The following NADK variants were observed in gnomAD, a reference collection of about 807,000 sequenced individuals.
NADK encodes poly(P)/ATP NAD kinase.
NADK carries 22 observed loss-of-function variants against 49.8 expected under a neutral mutation model. That is an observed-to-expected ratio of 0.44 (90% CI 0.32 to 0.63). The LOEUF (loss-of-function observed/expected upper bound fraction) is 0.63. NADK is among the 30% of genes least tolerant of loss of function. The pLI is 0.06. For missense variants in NADK, 438 were observed against 609.4 expected, an observed-to-expected ratio of 0.72 and a Z score of 2.96; for synonymous variants, 268 against 253.7, an observed-to-expected ratio of 1.06 and a Z score of -0.54.
intron 1 of NADK, among the ~76,000 whole-genome samples, chr1:1,768,924 A>C (rs1414487273): frequency 6.6e-6 from 1 of 152,194 alleles, no homozygotes; most frequent in Non-Finnish European, 1.5e-5. Flanking sequence ...AATACCCAAA[A>C]GCTGGTTCTC....
intron 3 of NADK, 123 bp downstream of exon 3, chr1:1,761,829 G>A (rs1645733859): frequency 1.2e-6 from 1 of 830,362 alleles, no homozygotes. Flanking sequence ...CCTCAACACA[G>A]CGATCCCACA....
rs2100401924 is a variant in NADK at position 1,778,024 on chromosome 1, C to T, written c.-41+265G>A. 6.6e-6 allele frequency among the ~76,000 whole-genome samples: 1 copy of T among 152,344 alleles called. No individual in the cohort carries two copies. The highest frequency in any genetic ancestry group is 6.5e-5 in the Admixed American group (1 of 15,312). On this transcript the variant is annotated intron_variant, in intron 1 of 11. Coordinates refer to ENST00000341426, the MANE Select transcript of NADK (RefSeq NM_023018.5). This position sits in a 1 kb window ranked among gnomAD's most constrained non-coding sequence, Gnocchi z 4.9. ...ACTGACAAGCGCGGTCCGGGCTGGA[C>T]GGCCCCACCTTCCCCGCCCGGGAGA... is the stretch of plus-strand genomic sequence containing the variant.
chr1:1,776,721 C>T (rs1259834850), intron 1 of NADK, among the ~76,000 whole-genome samples: 1 of 139,502 alleles, frequency 7.2e-6, no homozygotes, highest in Non-Finnish European at 1.5e-5. Context: ...TGCAGTGAGC[C>T]GAGATTGTGC....
At chr1:1,774,159 G>A (rs1044673100) in intron 1 of NADK, among the ~76,000 whole-genome samples, 8 of 151,050 alleles carry the variant, frequency 5.3e-5, no homozygotes, top group Admixed American at 2.6e-4. Flanking sequence ...GTATGTGTGT[G>A]TGTGTATATA....
Position 1,754,278 on chromosome 1 carries a change from C to G in NADK, c.943+6G>C. On this transcript the variant is annotated splice_donor_region_variant and intron_variant, in intron 9 of 11. Coordinates refer to ENST00000341426, the MANE Select transcript of NADK (RefSeq NM_023018.5). The surrounding 1 kb of genome is among the most constrained non-coding windows in gnomAD (Gnocchi z 4.3). The stretch of plus-strand genomic sequence containing the variant: ...CAGGGCCCCAGGACAGTGCTGCGGG[C>G]CTTACCGTCGCCCTGCACCGTGGTG... 1 of 1,613,626 alleles carries G rather than the reference C, an allele frequency of 6.2e-7. No individual in the cohort carries two copies. Among genetic ancestry groups the G allele is most frequent in the African/African-American group, 1.3e-5 (1 of 75,054 alleles).
intron 1 of NADK, among the ~76,000 whole-genome samples, chr1:1,768,898 GCCAACGGGTTCTCTGAATAC>G (rs1028145560): frequency 2.0e-5 from 3 of 152,202 alleles, no homozygotes; most frequent in Admixed American, 2.0e-4. Context: ...TACGGTCAAA[GCCAACGGGTTCTCTGAATAC>G]CCAAAAGCTG....
chr1:1,768,302 C>CTG (rs1185865835), intron 1 of NADK, among the ~76,000 whole-genome samples: 1 of 152,014 alleles, frequency 6.6e-6, no homozygotes, highest in Non-Finnish European at 1.5e-5. Flanking sequence ...CTTTGGGAGG[C>CTG]TGAGGTAAGA....
intron 2 of NADK, among the ~76,000 whole-genome samples, chr1:1,762,671 T>C (rs1350627752): frequency 6.6e-6 from 1 of 152,086 alleles, no homozygotes; most frequent in Non-Finnish European, 1.5e-5. Flanking sequence ...GCAAGAGAAC[T>C]GCTTGAACCC....
chr1:1,773,064 T>C (rs951484916), intron 1 of NADK, among the ~76,000 whole-genome samples: 2 of 151,228 alleles, frequency 1.3e-5, no homozygotes, highest in African/African-American at 4.9e-5. Flanking sequence ...AAAAAGATGT[T>C]AACACAGAGG....
Position 1,756,627 on chromosome 1 carries a change from C to G in NADK, c.394-19G>C, listed in dbSNP as rs1159676340. On this transcript the variant is annotated intron_variant, in intron 4 of 11. Transcript: ENST00000341426. The stretch of plus-strand genomic sequence containing the variant: ...TGTTCTCCTGGAAGCAAAGTGCCAA[C>G]CTGCTCATTCCACCTGCAGACCCCA... 20 of 1,613,838 alleles carry G rather than the reference C, an allele frequency of 1.2e-5. No homozygotes were observed.
At chr1:1,777,027 A>G (rs184972448) in intron 1 of NADK, among the ~76,000 whole-genome samples, 5 of 152,304 alleles carry the variant, frequency 3.3e-5, no homozygotes, top group Admixed American at 3.3e-4. Flanking sequence ...ACAGTGAGCT[A>G]TAATCATGCC....
In NADK at chr1:1,754,869, T is replaced by C. The variant is rs1239714130; in HGVS notation, c.689-171A>G. Reference sequence around the variant, plus strand: ...TGGAGTCTCACTCTGTCACCCAGGCTGGAATGCAGTGGTGTGATCTTGGCT... The same window carrying C: ...TGGAGTCTCACTCTGTCACCCAGGCCGGAATGCAGTGGTGTGATCTTGGCT... On this transcript the variant is annotated intron_variant, in intron 7 of 11. Transcript: ENST00000341426. This position sits in a 1 kb window ranked among gnomAD's most constrained non-coding sequence, Gnocchi z 4.3. The C allele has an allele frequency of 1.6e-6, 1 of 622,846 alleles. No homozygotes were observed. Among genetic ancestry groups the C allele is most frequent in the African/African-American group, 1.9e-5 (1 of 53,740 alleles). 38.6% of individuals were successfully genotyped at this position (622,846 alleles called of 1,614,324 possible). A position where few individuals can be genotyped will look rare whatever the true frequency, so the allele number is the denominator to read the frequency against.
intron 2 of NADK, among the ~76,000 whole-genome samples, chr1:1,764,812 A>G (rs1645834624): frequency 6.6e-6 from 1 of 152,194 alleles, no homozygotes; most frequent in Non-Finnish European, 1.5e-5. Flanking sequence ...GAGGCAGGAG[A>G]ATCACTTGAA....
chr1:1,768,980 C>T (rs1645966192), intron 1 of NADK, among the ~76,000 whole-genome samples: 1 of 152,216 alleles, frequency 6.6e-6, no homozygotes, highest in Admixed American at 6.5e-5. Context: ...CAAACAACAC[C>T]AATTCCTACG....
At chr1:1,758,551 C>G in intron 3 of NADK, 1 of 1,574,134 alleles carries the variant, frequency 6.4e-7, no homozygotes. Flanking sequence ...CCTGACTGTG[C>G]GCCCACACTA....
At chr1:1,774,251 A>G (rs112087642) in intron 1 of NADK, among the ~76,000 whole-genome samples, 1 of 151,754 alleles carries the variant, frequency 6.6e-6, no homozygotes, top group African/African-American at 2.4e-5. Flanking sequence ...TTTTTTTGAG[A>G]TGGAGCTTCG....
chr1:1,764,358 G>A (rs1472206571), intron 2 of NADK, among the ~76,000 whole-genome samples: 2 of 152,144 alleles, frequency 1.3e-5, no homozygotes, highest in South Asian at 2.1e-4. Context: ...GTGCTTGTGC[G>A]GCCACCGTCA....
chr1:1,752,936 CGAAGTGGGCTTG>C lies in NADK; in HGVS notation c.1297_1308del (p.Gln433_Phe436del). The stretch of plus-strand genomic sequence containing the variant: ...TCCTCCTCCTCCTCCTCCTCCTCCT[CGAAGTGGGCTTG>C]CTTCTTCCGGACGTTCCAATGCAGG... On this transcript the variant is annotated inframe_deletion, in exon 12 of 12. Transcript: ENST00000341426. 6.2e-7 allele frequency: 1 copy of C among 1,601,658 alleles called. No homozygotes were observed.
chr1:1,755,550 T>C (rs1341205085), intron 6 of NADK, 74 bp from the exon 7 acceptor site: 1 of 1,104,970 alleles, frequency 9.1e-7, no homozygotes, highest in Non-Finnish European at 1.4e-6. Context: ...CAGCAGCACC[T>C]CAGGAGGGAC....
Sources: gnomAD v4.1 joint callset for allele counts (sites outside exome capture counted in the v4.1 genomes callset) on GRCh38, gnomAD v4.1.1 for gene constraint, Gnocchi (gnomAD v3.1) non-coding constraint, MANE v1.5 for transcripts, NCBI Gene and HGNC (gene_info 2026-07-23, HGNC 2026-07-21) for gene names.